EPYC: variants seen among roughly 807,000 people sequenced by gnomAD.
EPYC encodes the protein dermatan sulfate proteoglycan 3.
A neutral mutation model predicts 30.1 loss-of-function variants in EPYC; 28 were observed. The ratio of observed to expected loss-of-function variants is 0.93; its 90% CI spans 0.69 to 1.28. The LOEUF (loss-of-function observed/expected upper bound fraction) is 1.28. Among genes scored for constraint, EPYC ranks in the 50% most tolerant of loss-of-function variants. The pLI is 0.00. For missense variants in EPYC, 382 were observed against 383.5 expected, an observed-to-expected ratio of 1.00 and a Z score of 0.03; for synonymous variants, 144 against 141.4, an observed-to-expected ratio of 1.02 and a Z score of -0.13.
At chr12:90,975,208 T>C (rs1877152682) in intron 3 of EPYC, among the ~76,000 whole-genome samples, 2 of 152,120 alleles carry the variant, frequency 1.3e-5, no homozygotes, top group Non-Finnish European at 2.9e-5. Context: ...TAAATTAATA[T>C]TTTCTACTCA....
rs770649459 is a variant in EPYC, at chr12:90,964,216, G to A, written c.909C>T (p.Leu303=). ...ACATGTATGCTTGAGGAGTTTTGCTGAGATTAATAGGGTTTCCATCCAATC... is the reference window on the plus strand; with the variant it reads ...ACATGTATGCTTGAGGAGTTTTGCTAAGATTAATAGGGTTTCCATCCAATC... ...DIRLDGNPIN[L]SKTPQAYMCL... is the part of the protein sequence containing the mutation. The change falls in exon 7 of 7, where the codon CTC becomes CTT. Residue 303 remains leucine, a synonymous_variant. Transcript: ENST00000261172. The A allele has an allele frequency of 6.2e-7, 1 of 1,613,558 alleles. No homozygotes were observed.
intron 2 of EPYC, among the ~76,000 whole-genome samples, chr12:90,993,841 A>G (rs942577928): frequency 1.3e-5 from 2 of 152,132 alleles, no homozygotes; most frequent in African/African-American, 4.8e-5. Context: ...TATAGCATTT[A>G]TTCATGTAAG....
At position 90,970,091 on chromosome 12, in the gene EPYC, G is replaced by A. The variant is rs1876999552; in HGVS notation, c.751C>T (p.His251Tyr). ...TTTTCTGGGAGTGGCAGAGGGATGT[G>A]GTCCAAGTTGTTATCAGTGAGGTAC... is the stretch of plus-strand genomic sequence containing the variant. The part of the protein sequence containing the change: ...HLYLTDNNLD[H>Y]IPLPLPENLR... Residue 251 changes from histidine to tyrosine, a missense_variant, in exon 6 of 7, where the codon CAC becomes TAC. Physicochemically the swap from His to Tyr is moderately conservative, Grantham distance 83. Transcript: ENST00000261172. 6.2e-7 allele frequency: 1 copy of A among 1,613,960 alleles called. No homozygotes were observed. The highest frequency in any genetic ancestry group is 2.2e-5 in the East Asian group (1 of 44,870).
In EPYC at chr12:90,990,188, T is replaced by G. The variant is rs1381766441; in HGVS notation, c.166-11926A>C. On this transcript the variant is annotated intron_variant, in intron 2 of 6. Coordinates refer to ENST00000261172, the MANE Select transcript of EPYC (RefSeq NM_004950.5). The stretch of plus-strand genomic sequence containing the variant: ...TCTGATGGAGTAATTTAGTATTTTT[T>G]ATTCAGTTTCTATCTTTCTCAGTGT... 2.0e-5 allele frequency among the ~76,000 whole-genome samples: 3 copies of G among 152,218 alleles called. No homozygotes were observed. In the East Asian group the frequency reaches 5.8e-4, roughly 29 times the overall value.
At chr12:90,983,906 G>A (rs538307446) in intron 2 of EPYC, among the ~76,000 whole-genome samples, 3 of 152,086 alleles carry the variant, frequency 2.0e-5, no homozygotes, top group African/African-American at 7.2e-5. Context: ...ATTGGAGGGG[G>A]TTACTATCTG....
intron 2 of EPYC, among the ~76,000 whole-genome samples, chr12:90,984,443 A>T (rs187328082): frequency 6.6e-6 from 1 of 152,028 alleles, no homozygotes; most frequent in Admixed American, 6.5e-5. Flanking sequence ...GACCAATTTG[A>T]CCCACAAACT....
chr12:90,970,674 A>G (rs946770638), intron 5 of EPYC, among the ~76,000 whole-genome samples: 1 of 152,194 alleles, frequency 6.6e-6, no homozygotes, highest in African/African-American at 2.4e-5. Flanking sequence ...CACCTGTGCC[A>G]ACACAGGCAG....
intron 6 of EPYC, among the ~76,000 whole-genome samples, chr12:90,968,024 T>C (rs1248116027): frequency 2.6e-5 from 4 of 152,138 alleles, no homozygotes; most frequent in African/African-American, 9.7e-5. Flanking sequence ...ACTTCATTAC[T>C]ATTGAACTGC....
chr12:90,975,368 A>C (rs1436387139), intron 3 of EPYC, among the ~76,000 whole-genome samples: 1 of 151,992 alleles, frequency 6.6e-6, no homozygotes, highest in African/African-American at 2.4e-5. Flanking sequence ...GCTATATTAC[A>C]CGGTTTTAGA....
chr12:90,972,936 AC>A lies in EPYC; in HGVS notation c.384del (p.Tyr129ThrfsTer38). 2 of 1,611,158 alleles carry A rather than the reference AC, an allele frequency of 1.2e-6. No individual in the cohort carries two copies. The highest frequency in any genetic ancestry group is 1.7e-6 in the Non-Finnish European group (2 of 1,177,958). The part of the protein sequence containing the change: ...CLLCTCISTT[V>X]YCDDHELDAI... Reference sequence around the variant, plus strand: ...GCATCAAGTTCATGGTCATCACAGTACACGGTGGTACTTATACAAGTACACA... The same window carrying A: ...GCATCAAGTTCATGGTCATCACAGTAACGGTGGTACTTATACAAGTACACA... On this transcript the variant is annotated frameshift_variant, in exon 4 of 7. Transcript: ENST00000261172. LOFTEE classifies it high-confidence loss of function.
At chr12:90,996,695 T>C (rs1448964570) in intron 2 of EPYC, among the ~76,000 whole-genome samples, 4 of 152,006 alleles carry the variant, frequency 2.6e-5, no homozygotes, top group African/African-American at 9.7e-5. Flanking sequence ...CTAGCCACTT[T>C]ATCTGTCCAT....
chr12:91,002,331 G>C, intron 2 of EPYC, 70 bp downstream of exon 2: 1 of 1,347,462 alleles, frequency 7.4e-7, no homozygotes, highest in Non-Finnish European at 1.0e-6. Flanking sequence ...ACATCTATTT[G>C]AGGAAAACAG....
At chr12:90,987,532 A>G (rs1422436984) in intron 2 of EPYC, among the ~76,000 whole-genome samples, 1 of 152,194 alleles carries the variant, frequency 6.6e-6, no homozygotes, top group East Asian at 1.9e-4. Context: ...AGGTATGAAA[A>G]TACATTAGCT....
At chr12:90,968,031 C>A (rs1396157402) in intron 6 of EPYC, among the ~76,000 whole-genome samples, 8 of 151,886 alleles carry the variant, frequency 5.3e-5, no homozygotes, top group Admixed American at 5.3e-4. Context: ...TACTATTGAA[C>A]TGCCTATTTC....
At chr12:90,969,097 A>G (rs1011312715) in intron 6 of EPYC, among the ~76,000 whole-genome samples, 2 of 151,660 alleles carry the variant, frequency 1.3e-5, no homozygotes, top group Non-Finnish European at 2.9e-5. Flanking sequence ...ATTTATATTA[A>G]TAGGAAAAAA....
At chr12:91,001,865 A>C (rs946129596) in intron 2 of EPYC, among the ~76,000 whole-genome samples, 2 of 151,918 alleles carry the variant, frequency 1.3e-5, no homozygotes, top group African/African-American at 4.8e-5. Flanking sequence ...TTGGCAATAA[A>C]ATTTGAAGGA....
At chr12:90,983,139 A>ACT (rs1877360476) in intron 2 of EPYC, among the ~76,000 whole-genome samples, 1 of 152,136 alleles carries the variant, frequency 6.6e-6, no homozygotes, top group Non-Finnish European at 1.5e-5. Flanking sequence ...CCACAAACTC[A>ACT]CCAACACTTA....
chr12:90,964,497 A>C (rs892693826), intron 6 of EPYC, among the ~76,000 whole-genome samples, 171 bp from the exon 7 acceptor site: 1 of 152,196 alleles, frequency 6.6e-6, no homozygotes, highest in Non-Finnish European at 1.5e-5. Flanking sequence ...AAATTAGGAA[A>C]TAGACATGCT....
At chr12:90,967,206 T>C (rs1218105063) in intron 6 of EPYC, among the ~76,000 whole-genome samples, 1 of 152,080 alleles carries the variant, frequency 6.6e-6, no homozygotes, top group Non-Finnish European at 1.5e-5. Context: ...GTTATAGATT[T>C]GAGATCTTCT....
Sources: allele counts gnomAD v4.1 joint callset (sites outside exome capture counted in the v4.1 genomes callset), GRCh38; gene constraint gnomAD v4.1.1; transcripts MANE v1.5; gene names NCBI Gene and HGNC (gene_info 2026-07-23, HGNC 2026-07-21).